The following CDC42BPA variants were observed in gnomAD, a reference collection of about 807,000 sequenced individuals.
CDC42BPA encodes the protein CDC42 binding protein kinase alpha.
In CDC42BPA, 80 loss-of-function variants were observed where a neutral mutation model predicts 223.5. The observed-to-expected ratio is 0.36, with a 90% confidence interval of 0.30 to 0.43. The LOEUF (loss-of-function observed/expected upper bound fraction) is 0.43. Ranked by LOEUF, CDC42BPA falls within the 20% of genes least tolerant of loss-of-function variation. The probability of loss-of-function intolerance (pLI) is 1.00; values close to 1 mark genes in which losing one functional copy is unlikely to be tolerated. For missense variants in CDC42BPA, 1,743 were observed against 2,099.9 expected (o/e 0.83, Z 3.32); for synonymous variants, 694 against 718.6 (o/e 0.97, Z 0.55).
chr1:227,300,680 GAAGA>G lies in CDC42BPA; in HGVS notation c.178+16321_178+16324del, dbSNP rs1377572118. Among the ~76,000 whole-genome samples the G allele has an allele frequency of 2.6e-5, 4 of 152,244 alleles. No homozygotes were observed. The East Asian group carries it at 7.7e-4, about 29-fold the overall frequency. ...GAGGTGGAGACTCAGAAGGGAGAAG[GAAGA>G]AAGGGGGTAAGGGATAAAAAACTAT... On this transcript the variant is annotated intron_variant, in intron 1 of 36. Coordinates refer to ENST00000366766, the MANE Select transcript of CDC42BPA (RefSeq NM_001394014.1).
intron 1 of CDC42BPA, among the ~76,000 whole-genome samples, chr1:227,276,207 C>A (rs1186199153): frequency 6.6e-6 from 1 of 151,022 alleles, no homozygotes; most frequent in Non-Finnish European, 1.5e-5. Flanking sequence ...AGCGCCTCTG[C>A]CCCGCCGCCC....
intron 33 of CDC42BPA, 28 bp from the exon 34 acceptor site, chr1:227,016,225 CT>C: frequency 2.5e-6 from 3 of 1,176,874 alleles, no homozygotes; most frequent in Non-Finnish European, 2.5e-6. Context: ...TGTTTAGATA[CT>C]TTTTCCACAG....
At chr1:227,265,271 T>C (rs1684790559) in intron 1 of CDC42BPA, 1 of 518,396 alleles carries the variant, frequency 1.9e-6, no homozygotes, top group African/African-American at 1.9e-5. Context: ...CTGTGAGACC[T>C]TGAGAAGTTA....
At chr1:227,236,582 TCATAA>T (rs944936032) in intron 2 of CDC42BPA, among the ~76,000 whole-genome samples, 1 of 152,184 alleles carries the variant, frequency 6.6e-6, no homozygotes, top group African/African-American at 2.4e-5. Context: ...TTATAATTGA[TCATAA>T]CATACCTACA....
intron 32 of CDC42BPA, 146 bp downstream of exon 32, chr1:227,023,117 T>C (rs1667684169): frequency 2.0e-6 from 1 of 509,538 alleles, no homozygotes; most frequent in Non-Finnish European, 3.4e-6. Flanking sequence ...AAGAATGTGA[T>C]AGTGGCCAAC....
At chr1:227,035,668 A>G in intron 24 of CDC42BPA, 61 bp from the exon 25 acceptor site, 2 of 1,234,956 alleles carry the variant, frequency 1.6e-6, no homozygotes, top group Non-Finnish European at 2.3e-6. Context: ...GAAAATTCGT[A>G]ACACTCACTG....
At chr1:227,245,435 C>T (rs1680769166) in intron 2 of CDC42BPA, among the ~76,000 whole-genome samples, 1 of 151,992 alleles carries the variant, frequency 6.6e-6, no homozygotes, top group African/African-American at 2.4e-5. Flanking sequence ...GGACCACAGG[C>T]ACGTGCCACC....
chr1:227,187,486 A>AG (rs1668971141), intron 5 of CDC42BPA, among the ~76,000 whole-genome samples: 1 of 29,800 alleles, frequency 3.4e-5, no homozygotes, highest in Admixed American at 2.8e-4. Flanking sequence ...GAAGACTGGA[A>AG]AAAAAAAAAA....
intron 1 of CDC42BPA, among the ~76,000 whole-genome samples, chr1:227,264,339 G>A (rs4375224): frequency 0.83 from 124,732 of 150,536 alleles, 52,047 homozygotes; most frequent in South Asian, 0.88. Context: ...CCTTCTCCCT[G>A]TATCTGAGGA....
intron 11 of CDC42BPA, among the ~76,000 whole-genome samples, 156 bp from the exon 12 acceptor site, chr1:227,120,093 A>AT (rs1411844870): frequency 6.6e-6 from 1 of 152,074 alleles, no homozygotes; most frequent in Non-Finnish European, 1.5e-5. Flanking sequence ...AATTAAATGC[A>AT]TTATCAGTTC....
intron 4 of CDC42BPA, among the ~76,000 whole-genome samples, chr1:227,198,479 A>AAGG (rs1671147485): frequency 5.6e-5 from 1 of 17,888 alleles, no homozygotes; most frequent in Non-Finnish European, 1.4e-4. Flanking sequence ...AGAAAGAAAA[A>AAGG]AAATGTTGCT....
At chr1:227,305,041 T>C (rs1239972725) in intron 1 of CDC42BPA, among the ~76,000 whole-genome samples, 1 of 152,168 alleles carries the variant, frequency 6.6e-6, no homozygotes, top group African/African-American at 2.4e-5. Context: ...TCCTAAACAA[T>C]TCAGCCCTAA....
intron 1 of CDC42BPA, among the ~76,000 whole-genome samples, chr1:227,307,076 A>G (rs1483030239): frequency 1.3e-5 from 2 of 152,210 alleles, no homozygotes; most frequent in Non-Finnish European, 2.9e-5. Flanking sequence ...AGGTAACTGG[A>G]TTAGAACATA....
chr1:227,124,058 T>C (rs931626679), intron 11 of CDC42BPA, among the ~76,000 whole-genome samples: 3 of 152,166 alleles, frequency 2.0e-5, no homozygotes, highest in Middle Eastern at 3.2e-3. Flanking sequence ...AAAAAAATTT[T>C]ATTTTTGTCT....
At chr1:227,056,266 C>T (rs1303547486) in intron 21 of CDC42BPA, among the ~76,000 whole-genome samples, 3 of 152,158 alleles carry the variant, frequency 2.0e-5, no homozygotes, top group Non-Finnish European at 2.9e-5. Context: ...AAGTAAAAAA[C>T]ACCAAGATGT....
chr1:227,016,671 T>C (rs869251209), intron 33 of CDC42BPA, among the ~76,000 whole-genome samples: 2 of 151,920 alleles, frequency 1.3e-5, no homozygotes, highest in African/African-American at 4.8e-5. Flanking sequence ...TCCAAAAATA[T>C]GACTATTCCA....
intron 4 of CDC42BPA, among the ~76,000 whole-genome samples, chr1:227,195,822 T>TA (rs2150171898): frequency 6.6e-6 from 1 of 152,254 alleles, no homozygotes; most frequent in South Asian, 2.1e-4. Context: ...TACAAGTTTT[T>TA]AAAAAACATA....
In CDC42BPA at chr1:227,024,741, A is replaced by G. The variant is rs571444650; in HGVS notation, c.4530+1314T>C. 2.0e-5 allele frequency among the ~76,000 whole-genome samples: 3 copies of G among 152,362 alleles called. No individual in the cohort carries two copies. In the South Asian group the frequency reaches 6.2e-4, roughly 32 times the overall value. On this transcript the variant is annotated intron_variant, in intron 31 of 36. Transcript: ENST00000366766. Reference sequence around the variant, plus strand: ...AAAACCAAGCAAAACTGAAAGATATATTATTTAGGGATACTTAAATATGCA... The same window carrying G: ...AAAACCAAGCAAAACTGAAAGATATGTTATTTAGGGATACTTAAATATGCA...
chr1:227,249,481 G>A (rs1026028340), intron 2 of CDC42BPA, among the ~76,000 whole-genome samples: 36 of 152,092 alleles, frequency 2.4e-4, no homozygotes, highest in African/African-American at 8.0e-4. Flanking sequence ...ACAGTGAAGA[G>A]ACAGAATCAA....
Sources: gnomAD v4.1 joint callset for allele counts (sites outside exome capture counted in the v4.1 genomes callset) on GRCh38, gnomAD v4.1.1 for gene constraint, MANE v1.5 for transcripts, NCBI Gene and HGNC (gene_info 2026-07-23, HGNC 2026-07-21) for gene names.